Variants in PRDX1 observed in about 807,000 individuals in gnomAD.
PRDX1 encodes peroxiredoxin 1, also known as peroxiredoxin-1.
In PRDX1, 19 loss-of-function variants were observed where a neutral mutation model predicts 20.7. The ratio of observed to expected loss-of-function variants is 0.92; its 90% CI spans 0.64 to 1.35. The LOEUF (loss-of-function observed/expected upper bound fraction) is 1.35. Ranked by LOEUF, PRDX1 falls within the 40% of genes most tolerant of loss-of-function variation. The probability of loss-of-function intolerance (pLI) is 0.00; values close to 1 mark genes in which losing one functional copy is unlikely to be tolerated. For synonymous variants in PRDX1, 89 were observed against 83.9 expected (o/e 1.06, Z -0.33); for missense variants, 226 against 240.0 (o/e 0.94, Z 0.38).
intron 1 of PRDX1, among the ~76,000 whole-genome samples, chr1:45,520,962 T>G (rs1284814274): frequency 6.6e-6 from 1 of 152,088 alleles, no homozygotes; most frequent in Non-Finnish European, 1.5e-5. Context: ...AGTCCCAAAG[T>G]TCTTAGTTCA....
chr1:45,520,324 C>T (rs1003001148), intron 1 of PRDX1, among the ~76,000 whole-genome samples: 3 of 145,544 alleles, frequency 2.1e-5, no homozygotes, highest in African/African-American at 7.7e-5. Context: ...AAGGTGGGTT[C>T]CTGACTTTGG....
upstream of PRDX1, among the ~76,000 whole-genome samples, chr1:45,522,107 T>A (rs902946451): frequency 4.6e-5 from 7 of 152,162 alleles, no homozygotes; most frequent in Non-Finnish European, 8.8e-5. Context: ...TGAGGCGCCC[T>A]TGTGGCCGCT....
At chr1:45,511,989 A>G (rs551814581) in intron 5 of PRDX1, 8 of 152,010 alleles carry the variant, frequency 5.3e-5, no homozygotes, top group African/African-American at 1.7e-4. Flanking sequence ...ACAGCCTTCA[A>G]CCTTTTCCTG....
At chr1:45,516,993 C>T (rs373958663) in intron 2 of PRDX1, among the ~76,000 whole-genome samples, 2 of 148,966 alleles carry the variant, frequency 1.3e-5, no homozygotes, top group African/African-American at 5.1e-5. Context: ...TGCACTACAG[C>T]CTGTGCGACA....
chr1:45,521,578 G>C (rs948104712), intron 1 of PRDX1: 4 of 152,268 alleles, frequency 2.6e-5, no homozygotes, highest in Admixed American at 1.3e-4. Context: ...TCGAGTTGCC[G>C]GGGGAAGACT....
intron 4 of PRDX1, 103 bp downstream of exon 4, chr1:45,514,770 T>G (rs1402548128): frequency 1.8e-5 from 28 of 1,570,144 alleles, no homozygotes; most frequent in Non-Finnish European, 2.2e-5. Context: ...AGGAGGCCCC[T>G]GCATAAAGGA....
At chr1:45,515,080 A>C (rs993604226) in intron 3 of PRDX1, 85 bp from the exon 4 acceptor site, 4 of 1,543,062 alleles carry the variant, frequency 2.6e-6, no homozygotes, top group Non-Finnish European at 3.5e-6. Context: ...CATATTCCTA[A>C]TCTAACTTTC....
intron 5 of PRDX1, 142 bp downstream of exon 5, chr1:45,514,365 T>C (rs933919653): frequency 2.2e-5 from 24 of 1,083,504 alleles, no homozygotes; most frequent in Non-Finnish European, 3.2e-5. Flanking sequence ...CTGGGCCCCC[T>C]TATTTCTTTC....
At chr1:45,520,291 T>C (rs1302934892) in intron 1 of PRDX1, among the ~76,000 whole-genome samples, 2 of 82,774 alleles carry the variant, frequency 2.4e-5, no homozygotes, top group Non-Finnish European at 4.4e-5. Context: ...GTGTAAGCCC[T>C]AGAATTCCCT....
rs190908826 is a variant in PRDX1, at chr1:45,519,085, G to A, written c.-11-31C>T. 119 of 1,467,626 alleles carry A rather than the reference G, an allele frequency of 8.1e-5. 3 individuals are homozygous for A. In the African/African-American group the frequency reaches 1.4e-3, roughly 18 times the overall value. The allele number at this position is 1,467,626 out of a possible 1,614,324, so 90.9% of individuals were successfully genotyped here. ...AATAACAGAAATGAATTAGAAACAA[G>A]CCTTAATTTTCTACATAACCAGCAG... On this transcript the variant is annotated intron_variant, in intron 1 of 5. Transcript: ENST00000319248.
chr1:45,514,007 C>T (rs1297916370), intron 5 of PRDX1, among the ~76,000 whole-genome samples: 1 of 152,220 alleles, frequency 6.6e-6, no homozygotes, highest in Non-Finnish European at 1.5e-5. Context: ...TGTCTCCAGC[C>T]AGTCCCTGGG....
chr1:45,516,328 CAG>C (rs1643862390), intron 2 of PRDX1, among the ~76,000 whole-genome samples: 1 of 152,182 alleles, frequency 6.6e-6, no homozygotes. Context: ...CCTGACAGGA[CAG>C]GAAAAATTTT....
intron 2 of PRDX1, among the ~76,000 whole-genome samples, chr1:45,516,627 A>G (rs1643864248): frequency 6.6e-6 from 1 of 152,206 alleles, no homozygotes; most frequent in Non-Finnish European, 1.5e-5. Context: ...CTGGCCAGGC[A>G]GCCTTCTCGC....
At chr1:45,521,990 A>AGCCCCGCCCGGCGC (rs1553164194), upstream of PRDX1, 2 of 152,274 alleles carry the variant, frequency 1.3e-5, no homozygotes, top group African/African-American at 2.4e-5. Flanking sequence ...ATGTGGCCCG[A>AGCCCCGCCCGGCGC]GCCCCGCCCG....
chr1:45,520,998 G>T (rs2152077), intron 1 of PRDX1, among the ~76,000 whole-genome samples: 101,765 of 152,078 alleles, frequency 0.67, 34,427 homozygotes, highest in East Asian at 0.91. Context: ...AAGAAATTTT[G>T]TAAGCATGGA....
At chr1:45,519,182 G>T in intron 1 of PRDX1, 128 bp from the exon 2 acceptor site, 1 of 367,422 alleles carries the variant, frequency 2.7e-6, no homozygotes, top group Non-Finnish European at 4.5e-6. Flanking sequence ...TACATTAAAT[G>T]TTGTTTTAGT....
chr1:45,514,678 G>A, intron 4 of PRDX1, 41 bp from the exon 5 acceptor site: 1 of 1,610,380 alleles, frequency 6.2e-7, no homozygotes. Context: ...CAGGTTTAGA[G>A]ATGTGCTTTG....
intron 3 of PRDX1, 47 bp from the exon 4 acceptor site, chr1:45,515,042 A>G (rs370033040): frequency 2.4e-5 from 38 of 1,604,380 alleles, no homozygotes; most frequent in Non-Finnish European, 3.0e-5. Context: ...TCTTGACTTG[A>G]CTGTACGCAT....
chr1:45,520,738 A>T (rs1042126887), intron 1 of PRDX1, among the ~76,000 whole-genome samples: 6 of 147,624 alleles, frequency 4.1e-5, no homozygotes, highest in African/African-American at 1.3e-4. Flanking sequence ...AAAAAAAAAA[A>T]AAAAAAATAC....
Sources: allele counts gnomAD v4.1 joint callset (sites outside exome capture counted in the v4.1 genomes callset), GRCh38; gene constraint gnomAD v4.1.1; transcripts MANE v1.5; gene names NCBI Gene and HGNC (gene_info 2026-07-23, HGNC 2026-07-21).